LRRN4CL: variants seen among roughly 807,000 people sequenced by gnomAD.
The protein encoded by LRRN4CL is LRRN4 C-terminal-like protein.
For synonymous variants in LRRN4CL, 156 were observed against 154.1 expected, an observed-to-expected ratio of 1.01 and a Z score of -0.09; for missense variants, 348 against 336.4, an observed-to-expected ratio of 1.03 and a Z score of -0.27.
intron 1 of LRRN4CL, 137 bp from the exon 2 acceptor site, chr11:62,688,650 C>T: frequency 1.4e-6 from 1 of 700,130 alleles, no homozygotes; most frequent in Non-Finnish European, 2.3e-6. Context: ...GAGGCAGACA[C>T]ACTCATTTGT....
chr11:62,688,094 C>T lies in LRRN4CL; in HGVS notation c.415G>A (p.Glu139Lys). The T allele has an allele frequency of 1.2e-6, 2 of 1,612,660 alleles. No homozygotes were observed. Among genetic ancestry groups the T allele is most frequent in the Non-Finnish European group, 1.7e-6 (2 of 1,179,864 alleles). ...PPLNATVRRA[E>K]LKGLKPGGIY... Reference sequence around the variant, plus strand: ...CCCCCTGGCTTCAGCCCCTTCAGTTCGGCTCTGCGGACCGTAGCGTTCAGC... The same window carrying T: ...CCCCCTGGCTTCAGCCCCTTCAGTTTGGCTCTGCGGACCGTAGCGTTCAGC... The change falls in exon 2 of 2, where the codon GAA becomes AAA. Residue 139 changes from glutamate (E) to lysine (K), a missense_variant. Coordinates refer to ENST00000317449, the MANE Select transcript of LRRN4CL (RefSeq NM_203422.4).
chr11:62,687,705 G>A lies in LRRN4CL; in HGVS notation c.*87C>T. On this transcript the variant is annotated 3_prime_UTR_variant, in exon 2 of 2. Coordinates refer to ENST00000317449, the MANE Select transcript of LRRN4CL (RefSeq NM_203422.4). Reference sequence around the variant, plus strand: ...CCCAGCTCGCCGTCCAGCCCTCCCTGGAGGCAGCGGGTTTTCCTCTTTCCC... The same window carrying A: ...CCCAGCTCGCCGTCCAGCCCTCCCTAGAGGCAGCGGGTTTTCCTCTTTCCC... 1 of 1,169,236 alleles carries A rather than the reference G, an allele frequency of 8.6e-7. No homozygotes were observed. The highest frequency in any genetic ancestry group is 1.1e-6 in the Non-Finnish European group (1 of 896,830). The allele number at this position is 1,169,236 out of a possible 1,614,324, so 72.4% of individuals were successfully genotyped here. A position where few individuals can be genotyped will look rare whatever the true frequency, so the allele number is the denominator to read the frequency against.
intron 1 of LRRN4CL, among the ~76,000 whole-genome samples, chr11:62,688,900 G>A (rs1945237973): frequency 6.6e-6 from 1 of 152,122 alleles, no homozygotes; most frequent in African/African-American, 2.4e-5. Flanking sequence ...ACAAAGCCGG[G>A]CCCCTAGGCT....
At chr11:62,688,536 A>G (rs754782225) in intron 1 of LRRN4CL, 23 bp from the exon 2 acceptor site, 1 of 1,553,758 alleles carries the variant, frequency 6.4e-7, no homozygotes, top group South Asian at 1.2e-5. Context: ...GGGTGGATAG[A>G]TAAAGCCTGT....
Position 62,688,090 on chromosome 11 carries a change from A to C in LRRN4CL, c.419T>G (p.Leu140Arg), listed in dbSNP as rs753931269. 2.9e-5 allele frequency: 47 copies of C among 1,612,560 alleles called. No homozygotes were observed. The highest frequency in any genetic ancestry group is 4.0e-5 in the Non-Finnish European group (47 of 1,179,882). The part of the protein sequence containing the change: ...PLNATVRRAE[L>R]KGLKPGGIYV... ...AATGCCCCCTGGCTTCAGCCCCTTC[A>C]GTTCGGCTCTGCGGACCGTAGCGTT... The change falls in exon 2 of 2, where the codon CTG (leucine) becomes CGG (arginine). Residue 140 changes from leucine to arginine, a missense_variant. Leu to Arg is a moderately radical substitution (Grantham distance 102, BLOSUM62 -2). Transcript: ENST00000317449.
At position 62,688,491 on chromosome 11, in the gene LRRN4CL, G is replaced by A; in HGVS notation, c.18C>T (p.Cys6=). The A allele has an allele frequency of 6.3e-7, 1 of 1,597,596 alleles. No homozygotes were observed. The highest frequency in any genetic ancestry group is 8.5e-7 in the Non-Finnish European group (1 of 1,179,246). The change falls in exon 2 of 2, where the codon TGC becomes TGT. Residue 6 remains cysteine, a synonymous_variant. Transcript: ENST00000317449. MLGSP[C]LLWLLAVTFL... ...AGGTCACGGCCAGGAGCCACAGAAG[G>A]CAGGGAGAGCCCAGCATGGAGACTG...
At position 62,687,760 on chromosome 11, in the gene LRRN4CL, C is replaced by T. The variant is rs1256370285; in HGVS notation, c.*32G>A. The T allele has an allele frequency of 1.5e-6, 2 of 1,358,528 alleles. No individual in the cohort carries two copies. The highest frequency in any genetic ancestry group is 1.8e-5 in the South Asian group (1 of 54,778). The allele number at this position is 1,358,528 out of a possible 1,614,324, so 84.2% of individuals were successfully genotyped here. ...GCCAGGCTGAGCGCCCCAGGTGGGG[C>T]TGTCTGTGCCCGAGATGCCCCCAGG... is the stretch of plus-strand genomic sequence containing the variant. On this transcript the variant is annotated 3_prime_UTR_variant, in exon 2 of 2. Coordinates refer to ENST00000317449, the MANE Select transcript of LRRN4CL (RefSeq NM_203422.4).
rs1945232789 is a variant in LRRN4CL, at chr11:62,688,606, C to G, written c.-5-93G>C. On this transcript the variant is annotated intron_variant, in intron 1 of 1. Transcript: ENST00000317449. ...CACAATCTCTGGAGACAGGAAAATGCAACTGGGGATCAGAAGAGGAAAGAA... is the reference window on the plus strand; with the variant it reads ...CACAATCTCTGGAGACAGGAAAATGGAACTGGGGATCAGAAGAGGAAAGAA... The G allele has an allele frequency of 1.5e-5, 15 of 972,908 alleles. No individual in the cohort carries two copies. The South Asian group carries it at 2.2e-4, about 14-fold the overall frequency. 60.3% of individuals were successfully genotyped at this position (972,908 alleles called of 1,614,324 possible). A position where few individuals can be genotyped will look rare whatever the true frequency, so the allele number is the denominator to read the frequency against.
rs1330020827 is a variant in LRRN4CL at position 62,688,142 on chromosome 11, C to A, written c.367G>T (p.Glu123Ter). 4.3e-6 allele frequency: 7 copies of A among 1,612,206 alleles called. 1 individual carries two copies. In the African/African-American group the frequency reaches 9.3e-5, roughly 22 times the overall value. The change falls in exon 2 of 2, where the codon GAG becomes TAG. Residue 123 changes from glutamate (E) to a stop codon, truncating the protein, a stop_gained. Transcript: ENST00000317449. LOFTEE classifies it low-confidence loss of function (END_TRUNC). ...HYWLLLWDGS[E>*]AAQKGPPLNA... ...AGCGGGGGCCCCTTCTGCGCAGCCTCGCTGCCGTCCCAAAGCAGCAGCCAG... is the reference window on the plus strand; with the variant it reads ...AGCGGGGGCCCCTTCTGCGCAGCCTAGCTGCCGTCCCAAAGCAGCAGCCAG...
rs1945213624 is a variant in LRRN4CL at position 62,687,765 on chromosome 11, T to C, written c.*27A>G. 4 of 1,363,868 alleles carry C rather than the reference T, an allele frequency of 2.9e-6. No individual in the cohort carries two copies. The highest frequency in any genetic ancestry group is 3.8e-6 in the Non-Finnish European group (4 of 1,065,060). The allele number at this position is 1,363,868 out of a possible 1,614,324, so 84.5% of individuals were successfully genotyped here. ...GCTGAGCGCCCCAGGTGGGGCTGTC[T>C]GTGCCCGAGATGCCCCCAGGCCCCT... On this transcript the variant is annotated 3_prime_UTR_variant, in exon 2 of 2. Coordinates refer to ENST00000317449, the MANE Select transcript of LRRN4CL (RefSeq NM_203422.4).
Position 62,688,100 on chromosome 11 carries a change from T to C in LRRN4CL, c.409A>G (p.Arg137Gly), listed in dbSNP as rs778265204. The change falls in exon 2 of 2, where the codon AGA becomes GGA. Residue 137 changes from arginine to glycine, a missense_variant. By Grantham distance (125) the Arg-to-Gly change is moderately radical. Coordinates refer to ENST00000317449, the MANE Select transcript of LRRN4CL (RefSeq NM_203422.4). ...GGCTTCAGCCCCTTCAGTTCGGCTC[T>C]GCGGACCGTAGCGTTCAGCGGGGGC... ...KGPPLNATVR[R>G]AELKGLKPGG... 7 of 1,612,584 alleles carry C rather than the reference T, an allele frequency of 4.3e-6. No individual in the cohort carries two copies. In the African/African-American group the frequency reaches 6.7e-5, roughly 15 times the overall value.
At position 62,688,126 on chromosome 11, in the gene LRRN4CL, C is replaced by A. The variant is rs1192250525; in HGVS notation, c.383G>T (p.Gly128Val). The change falls in exon 2 of 2, where the codon GGG becomes GTG. Residue 128 changes from glycine to valine, a missense_variant. Physicochemically the swap from Gly to Val is moderately radical, Grantham distance 109. Coordinates refer to ENST00000317449, the MANE Select transcript of LRRN4CL (RefSeq NM_203422.4). ...GCGGACCGTAGCGTTCAGCGGGGGC[C>A]CCTTCTGCGCAGCCTCGCTGCCGTC... ...LWDGSEAAQK[G>V]PPLNATVRRA... 2 of 1,612,438 alleles carry A rather than the reference C, an allele frequency of 1.2e-6. No individual in the cohort carries two copies. The highest frequency in any genetic ancestry group is 1.1e-5 in the South Asian group (1 of 91,046).
In LRRN4CL at chr11:62,688,358, C is replaced by G. The variant is rs1342368994; in HGVS notation, c.151G>C (p.Asp51His). 3.7e-6 allele frequency: 6 copies of G among 1,607,866 alleles called. No homozygotes were observed. The highest frequency in any genetic ancestry group is 5.1e-6 in the Non-Finnish European group (6 of 1,179,990). The change falls in exon 2 of 2, where the codon GAC becomes CAC. Residue 51 changes from aspartate to histidine, a missense_variant. Transcript: ENST00000317449. ...GGCACCTGCAGGTGTCGGCAGTGGT[C>G]GTAGTCGCAGGGGACAGCCGGCAAA... ...PPLPAVPCDYDHCRHLQVPCK... is the reference protein window; with the variant it reads ...PPLPAVPCDYHHCRHLQVPCK...
Position 62,688,228 on chromosome 11 carries a change from G to T in LRRN4CL, c.281C>A (p.Ala94Glu), listed in dbSNP as rs747701388. 6 of 1,611,488 alleles carry T rather than the reference G, an allele frequency of 3.7e-6. No individual in the cohort carries two copies. Among genetic ancestry groups the T allele is most frequent in the East Asian group, 2.2e-5 (1 of 44,834 alleles). ...GACCACTGCGCGGCCCTCTTCGGCCGCAATGCGCACTTCTCCCATGCGCGG... is the reference window on the plus strand; with the variant it reads ...GACCACTGCGCGGCCCTCTTCGGCCTCAATGCGCACTTCTCCCATGCGCGG... ...DPPRMGEVRIAAEEGRAVVHW... is the reference protein window; with the variant it reads ...DPPRMGEVRIEAEEGRAVVHW... The change falls in exon 2 of 2, where the codon GCG becomes GAG. Residue 94 changes from alanine to glutamate, a missense_variant. By Grantham distance (107) the Ala-to-Glu change is moderately radical. Coordinates refer to ENST00000317449, the MANE Select transcript of LRRN4CL (RefSeq NM_203422.4).
rs762192478 is a variant in LRRN4CL at position 62,688,257 on chromosome 11, G to T, written c.252C>A (p.Asp84Glu). The T allele has an allele frequency of 1.2e-6, 2 of 1,610,338 alleles. No individual in the cohort carries two copies. Among genetic ancestry groups the T allele is most frequent in the South Asian group, 2.2e-5 (2 of 90,894 alleles). ...TGCGCACTTCTCCCATGCGCGGCGG[G>T]TCGGGCGGCTGGGCGGGGCTGGAGA... ...PGLSSPAQPP[D>E]PPRMGEVRIA... The change falls in exon 2 of 2, where the codon GAC becomes GAA. Residue 84 changes from aspartate (D) to glutamate (E), a missense_variant. Transcript: ENST00000317449.
Position 62,687,730 on chromosome 11 carries a change from C to CG in LRRN4CL, c.*61dup. 4.6e-6 allele frequency: 6 copies of CG among 1,303,476 alleles called. No individual in the cohort carries two copies. Among genetic ancestry groups the CG allele is most frequent in the Non-Finnish European group, 5.9e-6 (6 of 1,018,170 alleles). The allele number at this position is 1,303,476 out of a possible 1,614,324, so 80.7% of individuals were successfully genotyped here. A position where few individuals can be genotyped will look rare whatever the true frequency, so the allele number is the denominator to read the frequency against. On this transcript the variant is annotated 3_prime_UTR_variant, in exon 2 of 2. Coordinates refer to ENST00000317449, the MANE Select transcript of LRRN4CL (RefSeq NM_203422.4). Reference sequence around the variant, plus strand: ...GGAGGCAGCGGGTTTTCCTCTTTCCCGGGGGCCAGGCTGAGCGCCCCAGGT... The same window carrying CG: ...GGAGGCAGCGGGTTTTCCTCTTTCCCGGGGGGCCAGGCTGAGCGCCCCAGGT...
rs1161270445 is a variant in LRRN4CL, at chr11:62,687,747, G to A, written c.*45C>T. On this transcript the variant is annotated 3_prime_UTR_variant, in exon 2 of 2. Coordinates refer to ENST00000317449, the MANE Select transcript of LRRN4CL (RefSeq NM_203422.4). ...CTCTTTCCCGGGGGCCAGGCTGAGCGCCCCAGGTGGGGCTGTCTGTGCCCG... is the reference window on the plus strand; with the variant it reads ...CTCTTTCCCGGGGGCCAGGCTGAGCACCCCAGGTGGGGCTGTCTGTGCCCG... 3 of 1,332,246 alleles carry A rather than the reference G, an allele frequency of 2.3e-6. No individual in the cohort carries two copies. The highest frequency in any genetic ancestry group is 2.9e-6 in the Non-Finnish European group (3 of 1,041,980). The allele number at this position is 1,332,246 out of a possible 1,614,324, so 82.5% of individuals were successfully genotyped here. A position where few individuals can be genotyped will look rare whatever the true frequency, so the allele number is the denominator to read the frequency against.
At position 62,688,325 on chromosome 11, in the gene LRRN4CL, C is replaced by T. The variant is rs749223677; in HGVS notation, c.184G>A (p.Glu62Lys). 2 of 1,609,530 alleles carry T rather than the reference C, an allele frequency of 1.2e-6. No homozygotes were observed. The highest frequency in any genetic ancestry group is 1.7e-6 in the Non-Finnish European group (2 of 1,179,838). Residue 62 changes from glutamate to lysine, a missense_variant, in exon 2 of 2, where the codon GAG becomes AAG. Coordinates refer to ENST00000317449, the MANE Select transcript of LRRN4CL (RefSeq NM_203422.4). ...GCCGCCGGCCCGACCCTCTGTAGCTCCTTGCAGGGCACCTGCAGGTGTCGG... is the reference window on the plus strand; with the variant it reads ...GCCGCCGGCCCGACCCTCTGTAGCTTCTTGCAGGGCACCTGCAGGTGTCGG... ...HCRHLQVPCKELQRVGPAACL... is the reference protein window; with the variant it reads ...HCRHLQVPCKKLQRVGPAACL...
Position 62,687,691 on chromosome 11 carries a change from G to C in LRRN4CL, c.*101C>G, listed in dbSNP as rs996307657. ...GCCTGGGGCTGGCTCCCAGCTCGCC[G>C]TCCAGCCCTCCCTGGAGGCAGCGGG... is the stretch of plus-strand genomic sequence containing the variant. On this transcript the variant is annotated 3_prime_UTR_variant, in exon 2 of 2. Transcript: ENST00000317449. 1 of 1,057,230 alleles carries C rather than the reference G, an allele frequency of 9.5e-7. No homozygotes were observed. Among genetic ancestry groups the C allele is most frequent in the African/African-American group, 1.7e-5 (1 of 59,462 alleles). The allele number at this position is 1,057,230 out of a possible 1,614,324, so 65.5% of individuals were successfully genotyped here.
Sources: gnomAD v4.1 joint callset for allele counts (sites outside exome capture counted in the v4.1 genomes callset) on GRCh38, gnomAD v4.1.1 for gene constraint, MANE v1.5 for transcripts, NCBI Gene and HGNC (gene_info 2026-07-23, HGNC 2026-07-21) for gene names.